Variants in TRMT44 observed in about 807,000 individuals in gnomAD.
TRMT44 encodes the protein probable tRNA (uracil-O(2)-)-methyltransferase.
A neutral mutation model predicts 77.3 loss-of-function variants in TRMT44; 78 were observed. That is an observed-to-expected ratio of 1.01 (90% CI 0.84 to 1.22). The LOEUF (loss-of-function observed/expected upper bound fraction) is 1.22. Among genes scored for constraint, TRMT44 ranks in the 50% most tolerant of loss-of-function variants. The probability of loss-of-function intolerance (pLI) is 0.00; values close to 1 mark genes in which losing one functional copy is unlikely to be tolerated. For missense variants in TRMT44, 1,090 were observed against 964.4 expected (o/e 1.13, Z -1.73); for synonymous variants, 391 against 383.3 (o/e 1.02, Z -0.23).
chr4:8,441,350 G>C lies in TRMT44; in HGVS notation c.528G>C (p.Gln176His). Residue 176 changes from glutamine to histidine, a missense_variant, in exon 1 of 11, where the codon CAG becomes CAC. Gln to His is a conservative substitution (Grantham distance 24). Transcript: ENST00000389737. Reference sequence around the variant, plus strand: ...GGGCGGGATCGCAGCCAGAGGCGCAGCGTGAGCTCGACGTGGTTCTCAGAA... The same window carrying C: ...GGGCGGGATCGCAGCCAGAGGCGCACCGTGAGCTCGACGTGGTTCTCAGAA... ...SSGAGSQPEA[Q>H]RELDVVLRTV... The C allele has an allele frequency of 6.5e-7, 1 of 1,535,214 alleles. No homozygotes were observed.
chr4:8,465,988 C>T (rs751367196), intron 8 of TRMT44, among the ~76,000 whole-genome samples: 10 of 152,234 alleles, frequency 6.6e-5, no homozygotes, highest in Non-Finnish European at 1.0e-4. Context: ...CTAGTTCATT[C>T]AGATTCACCT....
chr4:8,492,929 C>T (rs1366370438), intron 2 of TRMT44, among the ~76,000 whole-genome samples: 1 of 152,108 alleles, frequency 6.6e-6, no homozygotes, highest in East Asian at 1.9e-4. Flanking sequence ...CAAGCTGTGC[C>T]CGACCACCTT....
At chr4:8,473,158 A>G (rs1218678746) in intron 10 of TRMT44, 1 of 152,246 alleles carries the variant, frequency 6.6e-6, no homozygotes, top group Non-Finnish European at 1.5e-5. Flanking sequence ...GAAAATGTTT[A>G]TGAGAGTGAG....
At chr4:8,490,281 T>C (rs1413943131) in intron 2 of TRMT44, among the ~76,000 whole-genome samples, 1 of 152,232 alleles carries the variant, frequency 6.6e-6, no homozygotes, top group Admixed American at 6.5e-5. Flanking sequence ...TCTCACTGAC[T>C]TCAAGAATGA....
At chr4:8,491,178 G>A (rs1032727924) in intron 2 of TRMT44, among the ~76,000 whole-genome samples, 1 of 147,170 alleles carries the variant, frequency 6.8e-6, no homozygotes, top group Non-Finnish European at 1.5e-5. Flanking sequence ...CTGAGCTAGA[G>A]ATAAAGGTTC....
At position 8,451,969 on chromosome 4, in the gene TRMT44, G is replaced by A. The variant is rs1399091456; in HGVS notation, c.964G>A (p.Glu322Lys). ...CTTGAAACTGTTTTAGGTGTGGCCTGAAGTCACTGATCCTGAGAAGTTCGT... is the reference window on the plus strand; with the variant it reads ...CTTGAAACTGTTTTAGGTGTGGCCTAAAGTCACTGATCCTGAGAAGTTCGT... ...KYKEMVKVWP[E>K]VTDPEKFVYE... Residue 322 changes from glutamate (E) to lysine (K), a missense_variant, in exon 4 of 11, where the codon GAA becomes AAA. Coordinates refer to ENST00000389737, the MANE Select transcript of TRMT44 (RefSeq NM_152544.3). The surrounding 1 kb of genome is among the most constrained non-coding windows in gnomAD (Gnocchi z 4.1). 2 of 1,536,782 alleles carry A rather than the reference G, an allele frequency of 1.3e-6. No homozygotes were observed. The highest frequency in any genetic ancestry group is 1.7e-6 in the Non-Finnish European group (2 of 1,147,032).
At position 8,452,894 on chromosome 4, in the gene TRMT44, GAAGA is replaced by G. The variant is rs1725544196; in HGVS notation, c.1040_1043del (p.Glu347GlyfsTer6). On this transcript the variant is annotated frameshift_variant, in exon 5 of 11. Transcript: ENST00000389737. LOFTEE classifies it high-confidence loss of function. The surrounding 1 kb of genome is among the most constrained non-coding windows in gnomAD (Gnocchi z 5.7). ...TCTCTTCACTTAGATTCTATGGGAA[GAAGA>G]AAGGGCTGAGAGGAGACTAACTGCC... 1.3e-6 allele frequency: 2 copies of G among 1,528,650 alleles called. No individual in the cohort carries two copies. Among genetic ancestry groups the G allele is most frequent in the Non-Finnish European group, 1.7e-6 (2 of 1,142,854 alleles). 94.7% of individuals were successfully genotyped at this position (1,528,650 alleles called of 1,614,324 possible).
chr4:8,484,125 T>G (rs1482859600), intron 2 of TRMT44, among the ~76,000 whole-genome samples: 2 of 152,094 alleles, frequency 1.3e-5, no homozygotes, highest in Non-Finnish European at 2.9e-5. Flanking sequence ...TTTGCTGGTG[T>G]GTGGCGATTA....
chr4:8,501,551 G>A, the TRMT44 span, among the ~76,000 whole-genome samples: 1 of 152,182 alleles, frequency 6.6e-6, no homozygotes, highest in Admixed American at 6.5e-5. The surrounding 1 kb of genome is among the most constrained non-coding windows in gnomAD (Gnocchi z 4.4). Context: ...AGCTTTAGCG[G>A]GCACTTGGCC....
At chr4:8,491,956 G>T (rs539980700) in intron 2 of TRMT44, among the ~76,000 whole-genome samples, 295 of 152,372 alleles carry the variant, frequency 1.9e-3, no homozygotes, top group African/African-American at 6.7e-3. Flanking sequence ...AGGACTGCCA[G>T]CACGCTGTCA....
chr4:8,503,955 C>T, the TRMT44 span, among the ~76,000 whole-genome samples: 3 of 152,192 alleles, frequency 2.0e-5, no homozygotes, highest in Admixed American at 6.5e-5. Flanking sequence ...GTCCTGGCCT[C>T]GCTCCCAAGC....
intron 6 of TRMT44, among the ~76,000 whole-genome samples, chr4:8,456,562 G>T (rs973811868): frequency 6.7e-6 from 1 of 150,352 alleles, no homozygotes; most frequent in Non-Finnish European, 1.5e-5. Context: ...AAAAAAGCAA[G>T]AGAGGGAAAG....
chr4:8,466,339 C>T (rs1382732599), intron 8 of TRMT44, among the ~76,000 whole-genome samples: 2 of 148,722 alleles, frequency 1.3e-5, no homozygotes, highest in Non-Finnish European at 1.5e-5. Flanking sequence ...CGCGGAGCTC[C>T]GCTAAGCCTG....
intron 2 of TRMT44, among the ~76,000 whole-genome samples, chr4:8,482,813 A>ATGGCT (rs1412050851): frequency 1.3e-5 from 2 of 150,518 alleles, no homozygotes; most frequent in Non-Finnish European, 2.9e-5. Context: ...AGGGGATGCG[A>ATGGCT]TGGCTTGGCT....
At chr4:8,510,760 G>C in the TRMT44 span, 1 of 152,614 alleles carries the variant, frequency 6.6e-6, no homozygotes, top group South Asian at 2.1e-4. Context: ...AAGCTGGGGG[G>C]CTGCCCTGGG....
chr4:8,500,033 A>G, the TRMT44 span, among the ~76,000 whole-genome samples: 1 of 152,240 alleles, frequency 6.6e-6, no homozygotes, highest in African/African-American at 2.4e-5. Context: ...GTTCAAATCC[A>G]GCCTGGGCAA....
chr4:8,511,028 T>G, the TRMT44 span: 1 of 152,480 alleles, frequency 6.6e-6, no homozygotes, highest in East Asian at 1.9e-4. Context: ...GCCGGGAGCA[T>G]GCTCCCTGTA....
At chr4:8,486,142 C>G (rs1727796079) in intron 2 of TRMT44, among the ~76,000 whole-genome samples, 1 of 152,176 alleles carries the variant, frequency 6.6e-6, no homozygotes. Context: ...GTTGAACAGT[C>G]CAGTTTCCAG....
the TRMT44 span, among the ~76,000 whole-genome samples, chr4:8,499,028 GTGCAGCAGGGGCAGATACAGC>G: frequency 5.3e-4 from 81 of 152,090 alleles, 4 homozygotes; most frequent in Admixed American, 2.6e-4. Context: ...GTGGCTCCAG[GTGCAGCAGGGGCAGATACAGC>G]TGCAGCAGGG....
Sources: allele counts gnomAD v4.1 joint callset (sites outside exome capture counted in the v4.1 genomes callset), GRCh38; gene constraint gnomAD v4.1.1; non-coding constraint Gnocchi (gnomAD v3.1); transcripts MANE v1.5; gene names NCBI Gene and HGNC (gene_info 2026-07-23, HGNC 2026-07-21).